DOCK4: variants seen among roughly 807,000 people sequenced by gnomAD.
DOCK4 encodes the protein dedicator of cytokinesis 4.
A neutral mutation model predicts 268.1 loss-of-function variants in DOCK4; 97 were observed. The observed-to-expected ratio is 0.36, with a 90% CI of 0.31 to 0.43. DOCK4 has a LOEUF of 0.43. Among genes scored for constraint, DOCK4 ranks in the 20% least tolerant of loss-of-function variants. The pLI, the probability that DOCK4 is intolerant of heterozygous loss-of-function variation, is 1.00. For missense variants in DOCK4, 2,145 were observed against 2,455.7 expected (o/e 0.87, Z 2.67); for synonymous variants, 954 against 887.2 (o/e 1.08, Z -1.34).
At chr7:111,983,862 G>GCGCACACACACACACACACA in intron 7 of DOCK4, among the ~76,000 whole-genome samples, 24 of 138,644 alleles carry the variant, frequency 1.7e-4, no homozygotes, top group African/African-American at 5.6e-4. Flanking sequence ...GCGCGCGCGC[G>GCGCACACACACACACACACA]CACACACACA....
chr7:111,917,392 G>T (rs1407914708), intron 12 of DOCK4, among the ~76,000 whole-genome samples: 6 of 152,036 alleles, frequency 3.9e-5, no homozygotes, highest in Admixed American at 3.9e-4. Context: ...AAAACATTCA[G>T]TCATCATTAA....
intron 8 of DOCK4, among the ~76,000 whole-genome samples, chr7:111,961,675 G>A (rs997340328): frequency 5.3e-5 from 8 of 152,150 alleles, no homozygotes; most frequent in Non-Finnish European, 8.8e-5. Flanking sequence ...GCTTCAAGGG[G>A]AATATTATTA....
intron 1 of DOCK4, among the ~76,000 whole-genome samples, chr7:112,061,739 T>TCTCACA (rs754537305): frequency 2.2e-5 from 3 of 137,140 alleles, no homozygotes; most frequent in African/African-American, 5.5e-5. Context: ...ATTAACAATG[T>TCTCACA]CACACACACA....
At position 111,871,022 on chromosome 7, in the gene DOCK4, C is replaced by T. The variant is rs148523682; in HGVS notation, c.2027+968G>A. On this transcript the variant is annotated intron_variant, in intron 20 of 52. Coordinates refer to ENST00000428084, the MANE Select transcript of DOCK4 (RefSeq NM_001363540.2). ...CTAACAAAAATACCTTCATTCATTT[C>T]GATGTTGGAGACGTCGATCTTAACC... Among the ~76,000 whole-genome samples the T allele has an allele frequency of 2.4e-4, 37 of 152,280 alleles. No homozygotes were observed. In the East Asian group the frequency reaches 4.1e-3, roughly 17 times the overall value.
At chr7:112,154,473 G>C (rs966923246) in intron 1 of DOCK4, among the ~76,000 whole-genome samples, 14 of 149,738 alleles carry the variant, frequency 9.3e-5, no homozygotes, top group African/African-American at 3.2e-4. Flanking sequence ...AGATTAATGT[G>C]AAGTTCTACA....
chr7:111,835,156 A>G (rs140314257), intron 25 of DOCK4, among the ~76,000 whole-genome samples: 7 of 152,294 alleles, frequency 4.6e-5, no homozygotes, highest in Admixed American at 4.6e-4. Flanking sequence ...ACTCAGCTAG[A>G]AAGTAGCAGA....
chr7:112,032,372 T>C (rs1803356713), intron 1 of DOCK4, among the ~76,000 whole-genome samples: 1 of 152,244 alleles, frequency 6.6e-6, no homozygotes, highest in African/African-American at 2.4e-5. Context: ...TGCATGGCTA[T>C]CAACTACAAA....
intron 1 of DOCK4, among the ~76,000 whole-genome samples, chr7:112,134,859 G>A (rs1414122829): frequency 1.3e-5 from 2 of 152,172 alleles, no homozygotes; most frequent in Non-Finnish European, 2.9e-5. Flanking sequence ...AAAACGCTAT[G>A]CTTCAATGAG....
At chr7:111,817,940 C>T (rs1801681718) in intron 27 of DOCK4, among the ~76,000 whole-genome samples, 1 of 152,172 alleles carries the variant, frequency 6.6e-6, no homozygotes, top group African/African-American at 2.4e-5. Flanking sequence ...TTGTCATGGT[C>T]ACCAATATCT....
Position 111,822,366 on chromosome 7 carries a change from T to C in DOCK4, c.2926A>G (p.Asn976Asp). 1 of 1,612,632 alleles carries C rather than the reference T, an allele frequency of 6.2e-7. No individual in the cohort carries two copies. Among genetic ancestry groups the C allele is most frequent in the African/African-American group, 1.3e-5 (1 of 75,010 alleles). Reference sequence around the variant, plus strand: ...TCATCAACTTAAATGTCTTACTTGTTAGCAACCAAGCGCATAACAGTCCAG... The same window carrying C: ...TCATCAACTTAAATGTCTTACTTGTCAGCAACCAAGCGCATAACAGTCCAG... ...KDWTVMRLVA[N>D]NVIITTVLYL... is the part of the protein sequence containing the mutation. Residue 976 changes from asparagine (N) to aspartate (D), a missense_variant, in exon 27 of 53, where the codon AAC becomes GAC. By Grantham distance (23) the Asn-to-Asp change is conservative. This residue lies in a region of DOCK4 where 1,598 missense variants were observed against 1,986.7 expected (regional missense o/e 0.80). Transcript: ENST00000428084.
chr7:112,077,707 C>T (rs1490481333), intron 1 of DOCK4, among the ~76,000 whole-genome samples: 2 of 152,012 alleles, frequency 1.3e-5, no homozygotes, highest in Non-Finnish European at 2.9e-5. Context: ...TATTTAAATA[C>T]AGTATCATGG....
chr7:111,870,818 A>G (rs926054677), intron 20 of DOCK4, among the ~76,000 whole-genome samples: 10 of 152,256 alleles, frequency 6.6e-5, no homozygotes, highest in African/African-American at 2.4e-4. Flanking sequence ...TTCCTGGCCA[A>G]CCGGAAGTGT....
At chr7:111,758,539 C>T (rs1433918714) in intron 41 of DOCK4, 85 bp downstream of exon 41, 9 of 1,450,924 alleles carry the variant, frequency 6.2e-6, no homozygotes, top group Non-Finnish European at 7.6e-6. Context: ...TGACACTATT[C>T]TGAGTAAATA....
chr7:112,016,524 C>T (rs1173628720), intron 1 of DOCK4, among the ~76,000 whole-genome samples: 2 of 152,206 alleles, frequency 1.3e-5, no homozygotes, highest in African/African-American at 4.8e-5. Context: ...TCAGACTATG[C>T]AAATATACTG....
At chr7:112,188,161 A>G (rs1427111089) in intron 1 of DOCK4, among the ~76,000 whole-genome samples, 3 of 152,246 alleles carry the variant, frequency 2.0e-5, no homozygotes, top group Non-Finnish European at 4.4e-5. Context: ...TGCTGCAAAC[A>G]TAGTATACTG....
chr7:112,013,953 C>T (rs1259022605), intron 1 of DOCK4, among the ~76,000 whole-genome samples: 1 of 152,116 alleles, frequency 6.6e-6, no homozygotes, highest in African/African-American at 2.4e-5. Flanking sequence ...TTCCCAATAC[C>T]CGGCACAATG....
chr7:111,974,657 G>A (rs749185903), intron 8 of DOCK4, among the ~76,000 whole-genome samples: 2 of 151,438 alleles, frequency 1.3e-5, no homozygotes, highest in Non-Finnish European at 1.5e-5. Flanking sequence ...AGAGACCAGG[G>A]GGAAGTAGGC....
In DOCK4 at chr7:112,036,245, G is replaced by A. The variant is rs530057025; in HGVS notation, c.38-32114C>T. On this transcript the variant is annotated intron_variant, in intron 1 of 52. Transcript: ENST00000428084. ...ACAAACCAAAAAAAAAGGACTTGAC[G>A]ATGAAAATTTGGATAAACAAGAAAT... 4.6e-5 allele frequency among the ~76,000 whole-genome samples: 7 copies of A among 152,104 alleles called. No homozygotes were observed. In the South Asian group the frequency reaches 6.2e-4, roughly 14 times the overall value.
At chr7:111,997,569 T>C (rs1444334331) in intron 4 of DOCK4, among the ~76,000 whole-genome samples, 1 of 152,246 alleles carries the variant, frequency 6.6e-6, no homozygotes, top group Non-Finnish European at 1.5e-5. Context: ...AATAGCCTCG[T>C]TGGAACTTTT....
Sources: gnomAD v4.1 joint callset for allele counts (sites outside exome capture counted in the v4.1 genomes callset) on GRCh38, gnomAD v4.1.1 for gene constraint, gnomAD v4.1.1 regional missense constraint, MANE v1.5 for transcripts, NCBI Gene and HGNC (gene_info 2026-07-23, HGNC 2026-07-21) for gene names.